SERINC3: variants seen among roughly 807,000 people sequenced by gnomAD.
SERINC3 encodes tumor differentially expressed protein 1.
Under a neutral mutation model 52.1 loss-of-function variants are expected in SERINC3, and 22 were observed. The ratio of observed to expected loss-of-function variants is 0.42; its 90% CI spans 0.30 to 0.60. SERINC3 has a LOEUF of 0.60. Among genes scored for constraint, SERINC3 ranks in the 20% least tolerant of loss-of-function variants. The pLI, the probability that SERINC3 is intolerant of heterozygous loss-of-function variation, is 0.16. For synonymous variants in SERINC3, 226 were observed against 212.7 expected (o/e 1.06, Z -0.54); for missense variants, 564 against 584.6 (o/e 0.96, Z 0.36).
At chr20:44,506,767 A>G in intron 6 of SERINC3, 60 bp downstream of exon 6, 1 of 1,178,228 alleles carries the variant, frequency 8.5e-7, no homozygotes. Flanking sequence ...AAGGGTACCT[A>G]GATTTTAAGC....
rs2064296082 is a variant in SERINC3 at position 44,503,987 on chromosome 20, AG to A, written c.882del (p.Cys295AlafsTer5). ...WSAMSNEPDR[S>X]CNPNLMSFIT... ...ATAAAGCTCATCAGGTTGGGATTGC[AG>A]GAACGATCTGAAAATGAGAAAATTT... On this transcript the variant is annotated frameshift_variant, in exon 8 of 10. Coordinates refer to ENST00000342374, the MANE Select transcript of SERINC3 (RefSeq NM_006811.4). LOFTEE classifies it high-confidence loss of function. 1 of 1,573,722 alleles carries A rather than the reference AG, an allele frequency of 6.4e-7. No individual in the cohort carries two copies. Among genetic ancestry groups the A allele is most frequent in the Non-Finnish European group, 8.6e-7 (1 of 1,168,176 alleles).
chr20:44,502,676 A>C (rs1055600531), intron 8 of SERINC3, among the ~76,000 whole-genome samples: 3 of 152,074 alleles, frequency 2.0e-5, no homozygotes, highest in Non-Finnish European at 4.4e-5. Context: ...TAGTAGTACA[A>C]TCACAGCTCA....
intron 1 of SERINC3, among the ~76,000 whole-genome samples, chr20:44,516,827 A>G (rs765669832): frequency 6.6e-5 from 10 of 152,152 alleles, no homozygotes; most frequent in Non-Finnish European, 1.3e-4. Context: ...CCTGAGTACA[A>G]GCAAGCACCA....
At chr20:44,510,218 T>C (rs2064338760) in intron 4 of SERINC3, among the ~76,000 whole-genome samples, 190 bp from the exon 5 acceptor site, 1 of 152,196 alleles carries the variant, frequency 6.6e-6, no homozygotes, top group South Asian at 2.1e-4. Context: ...CCTTTTAAAA[T>C]ATGTTTTAGC....
At position 44,501,167 on chromosome 20, in the gene SERINC3, CGTT is replaced by C. The variant is rs751358727; in HGVS notation, c.1186_1188del (p.Asn396del). On this transcript the variant is annotated inframe_deletion, in exon 9 of 10. Transcript: ENST00000342374. ...TAGCTATACTGCACTCCCTCTTTCT[CGTT>C]GTCCACAGCCCGCCGAGGCTGTCCA... The C allele has an allele frequency of 6.2e-7, 1 of 1,614,138 alleles. No homozygotes were observed. The highest frequency in any genetic ancestry group is 8.5e-7 in the Non-Finnish European group (1 of 1,180,014).
chr20:44,518,435 G>A (rs1019232221), intron 1 of SERINC3, among the ~76,000 whole-genome samples: 7 of 151,684 alleles, frequency 4.6e-5, no homozygotes, highest in Admixed American at 6.6e-5. Context: ...CCTTCTGGGA[G>A]CTTCTCTTAT....
chr20:44,509,238 T>C (rs1189580878), intron 5 of SERINC3, among the ~76,000 whole-genome samples: 2 of 152,140 alleles, frequency 1.3e-5, no homozygotes. Flanking sequence ...CCTCTCTGAA[T>C]AAGGCCATAA....
chr20:44,519,934 G>A (rs1175768443), intron 1 of SERINC3, among the ~76,000 whole-genome samples: 1 of 152,186 alleles, frequency 6.6e-6, no homozygotes, highest in African/African-American at 2.4e-5. Flanking sequence ...GTATGCTAAT[G>A]AGATGACTGG....
rs1257735675 is a variant in SERINC3 at position 44,500,030 on chromosome 20, C to A, written c.*266G>T. 1.0e-5 allele frequency: 3 copies of A among 289,270 alleles called. No individual in the cohort carries two copies. The highest frequency in any genetic ancestry group is 6.6e-5 in the African/African-American group (3 of 45,686). 17.9% of individuals were successfully genotyped at this position (289,270 alleles called of 1,614,324 possible). On this transcript the variant is annotated 3_prime_UTR_variant, in exon 10 of 10. Transcript: ENST00000342374. ...ACCTACAGGCTTTATAAAGAACTCT[C>A]TTCACAGCACAGCTGTAGTTCACTT...
At chr20:44,515,817 A>ATT (rs11482813) in intron 1 of SERINC3, among the ~76,000 whole-genome samples, 3 of 150,256 alleles carry the variant, frequency 2.0e-5, no homozygotes, top group African/African-American at 4.9e-5. Flanking sequence ...CCCCCAGCTG[A>ATT]TTTTTTTTTG....
At chr20:44,496,410 C>T (rs575957187), downstream of SERINC3, 4 of 152,484 alleles carry the variant, frequency 2.6e-5, no homozygotes, top group East Asian at 7.5e-4. Flanking sequence ...TGAACAGCAG[C>T]TTCCATTAAT....
At chr20:44,513,454 C>G (rs1444473833) in intron 2 of SERINC3, among the ~76,000 whole-genome samples, 1 of 152,118 alleles carries the variant, frequency 6.6e-6, no homozygotes. Flanking sequence ...TCACTGCACT[C>G]CAGCCTGGGC....
At position 44,506,813 on chromosome 20, in the gene SERINC3, G is replaced by A. The variant is rs1450620178; in HGVS notation, c.783+14C>T. ...AAACCTTTCACAGGAGAAAGAAGTA[G>A]TAAACAATCATACCTGAATTTTTGG... is the stretch of plus-strand genomic sequence containing the variant. On this transcript the variant is annotated intron_variant, in intron 6 of 9. Coordinates refer to ENST00000342374, the MANE Select transcript of SERINC3 (RefSeq NM_006811.4). 7 of 1,542,130 alleles carry A rather than the reference G, an allele frequency of 4.5e-6. No homozygotes were observed. The highest frequency in any genetic ancestry group is 3.9e-5 in the South Asian group (3 of 77,858).
intron 1 of SERINC3, among the ~76,000 whole-genome samples, chr20:44,516,989 T>C (rs2064384675): frequency 6.6e-6 from 1 of 152,214 alleles, no homozygotes. Flanking sequence ...AACTCTGGTC[T>C]TAAAATATGG....
chr20:44,509,200 GA>G (rs1247225886), intron 5 of SERINC3, among the ~76,000 whole-genome samples: 1 of 152,068 alleles, frequency 6.6e-6, no homozygotes, highest in Non-Finnish European at 1.5e-5. Flanking sequence ...TTTCCCACCA[GA>G]AAGTTTTTCA....
chr20:44,503,782 T>C (rs1600809704), intron 8 of SERINC3, 33 bp downstream of exon 8: 3 of 1,468,382 alleles, frequency 2.0e-6, no homozygotes, highest in South Asian at 2.8e-5. Flanking sequence ...TCAACCTCCA[T>C]GAAAATCTTG....
At chr20:44,514,200 A>G (rs1208570780) in intron 1 of SERINC3, 160 bp from the exon 2 acceptor site, 2 of 720,196 alleles carry the variant, frequency 2.8e-6, no homozygotes, top group Admixed American at 3.4e-5. Flanking sequence ...TCTGGAGTAA[A>G]TATTATTTCT....
rs957453752 is a variant in SERINC3 at position 44,521,885 on chromosome 20, C to T, written c.39+28G>A. The T allele has an allele frequency of 8.9e-5, 143 of 1,599,046 alleles. 1 individual carries two copies. In the Admixed American group the frequency reaches 2.0e-3, roughly 23 times the overall value. The stretch of plus-strand genomic sequence containing the variant: ...GGCCTTTCCCCGCAAACCGCAGGTC[C>T]GGCGAGGACTCGGGACCCCGAACTC... On this transcript the variant is annotated intron_variant, in intron 1 of 9. Transcript: ENST00000342374.
At position 44,500,237 on chromosome 20, in the gene SERINC3, T is replaced by C. The variant is rs903160499; in HGVS notation, c.*59A>G. 14 of 1,556,976 alleles carry C rather than the reference T, an allele frequency of 9.0e-6. No individual in the cohort carries two copies. Among genetic ancestry groups the C allele is most frequent in the Middle Eastern group, 1.7e-4 (1 of 5,928 alleles). ...AGTTGAAACAAACTTAAAAGGTATA[T>C]GGGTTTTCGGTGAAGGAGACCTTTG... On this transcript the variant is annotated 3_prime_UTR_variant, in exon 10 of 10. Transcript: ENST00000342374.
Sources: allele counts gnomAD v4.1 joint callset (sites outside exome capture counted in the v4.1 genomes callset), GRCh38; gene constraint gnomAD v4.1.1; transcripts MANE v1.5; gene names NCBI Gene and HGNC (gene_info 2026-07-23, HGNC 2026-07-21).